Variants in TET1 observed in about 807,000 individuals in gnomAD.
TET1 encodes methylcytosine dioxygenase TET1.
TET1 carries 13 observed loss-of-function variants against 148.7 expected under a neutral mutation model. The ratio of observed to expected loss-of-function variants is 0.09; its 90% CI spans 0.06 to 0.14. The LOEUF is 0.14. TET1 is among the 10% of genes least tolerant of loss of function. The pLI is 1.00. For synonymous variants in TET1, 907 were observed against 937.2 expected, an observed-to-expected ratio of 0.97 and a Z score of 0.59; for missense variants, 2,182 against 2,553.8, an observed-to-expected ratio of 0.85 and a Z score of 3.14.
At chr10:68,609,975 A>G (rs934417797) in intron 3 of TET1, among the ~76,000 whole-genome samples, 2 of 151,486 alleles carry the variant, frequency 1.3e-5, no homozygotes, top group South Asian at 4.2e-4. Flanking sequence ...TGAGAAAACT[A>G]CATCTCTATA....
At position 68,645,119 on chromosome 10, in the gene TET1, C is replaced by T. The variant is rs1010322878; in HGVS notation, c.2390C>T (p.Thr797Ile). ...AATTCTTATAAATTCCTAAAAGACA[C>T]TGCAAACCATAAAAACGCTATGAGC... ...ENNSYKFLKD[T>I]ANHKNAMSSV... The change falls in exon 4 of 12, where the codon ACT (threonine) becomes ATT (isoleucine). Residue 797 changes from threonine (T) to isoleucine (I), a missense_variant. Around this residue, in one of 11 missense-constraint regions of TET1, gnomAD observed 226 missense variants for 307.4 expected, o/e 0.74. Transcript: ENST00000373644. 9 of 1,613,560 alleles carry T rather than the reference C, an allele frequency of 5.6e-6. No homozygotes were observed. Among genetic ancestry groups the T allele is most frequent in the Admixed American group, 1.7e-5 (1 of 59,960 alleles).
At chr10:68,608,191 G>C (rs978009401) in intron 3 of TET1, among the ~76,000 whole-genome samples, 4 of 152,144 alleles carry the variant, frequency 2.6e-5, no homozygotes, top group African/African-American at 9.7e-5. Context: ...GCCTCCCAAA[G>C]TGCTGGGATT....
chr10:68,618,436 C>A (rs925545247), intron 3 of TET1, among the ~76,000 whole-genome samples: 9 of 152,178 alleles, frequency 5.9e-5, no homozygotes, highest in African/African-American at 1.7e-4. Context: ...CTGCTCTTAT[C>A]TTCCACAGAG....
intron 6 of TET1, among the ~76,000 whole-genome samples, chr10:68,657,956 G>A (rs1337041276): frequency 1.3e-5 from 2 of 152,052 alleles, no homozygotes; most frequent in East Asian, 3.9e-4. Flanking sequence ...ATTATACGTG[G>A]GTGAGGGAGG....
At chr10:68,653,479 C>T (rs185750704) in intron 6 of TET1, among the ~76,000 whole-genome samples, 57 of 152,230 alleles carry the variant, frequency 3.7e-4, no homozygotes, top group African/African-American at 1.1e-3. Context: ...ATAAACACCA[C>T]GTTTCATTAC....
At chr10:68,603,530 G>A (rs568530718) in intron 3 of TET1, among the ~76,000 whole-genome samples, 50 of 152,058 alleles carry the variant, frequency 3.3e-4, no homozygotes, top group Non-Finnish European at 2.8e-4. Context: ...CAGAACTTTG[G>A]GAGGCCAAGG....
At chr10:68,622,531 G>A (rs775868310) in intron 3 of TET1, among the ~76,000 whole-genome samples, 1 of 151,980 alleles carries the variant, frequency 6.6e-6, no homozygotes, top group Non-Finnish European at 1.5e-5. Flanking sequence ...CTCCCAAAGT[G>A]CTGGGATTAC....
intron 7 of TET1, among the ~76,000 whole-genome samples, chr10:68,670,871 A>G (rs1265612525): frequency 6.6e-6 from 1 of 152,044 alleles, no homozygotes; most frequent in Non-Finnish European, 1.5e-5. Flanking sequence ...CTAAATTTTT[A>G]TATTATTTTC....
intron 3 of TET1, among the ~76,000 whole-genome samples, chr10:68,602,605 G>A (rs999629090): frequency 3.3e-5 from 5 of 152,172 alleles, no homozygotes; most frequent in Non-Finnish European, 7.4e-5. Context: ...GATTGTGAGT[G>A]TCCTGTCACC....
At chr10:68,640,916 G>C (rs1031336334) in intron 3 of TET1, among the ~76,000 whole-genome samples, 1 of 151,044 alleles carries the variant, frequency 6.6e-6, no homozygotes, top group South Asian at 2.1e-4. Flanking sequence ...ATATTTATAT[G>C]ATTTTTATGT....
At chr10:68,687,907 T>TGGTTTTG (rs1213130954) in intron 11 of TET1, among the ~76,000 whole-genome samples, 3 of 152,102 alleles carry the variant, frequency 2.0e-5, no homozygotes, top group Non-Finnish European at 4.4e-5. Context: ...TCGTTAGTTT[T>TGGTTTTG]GGTTTTGGGT....
At chr10:68,640,418 C>G (rs531611942) in intron 3 of TET1, among the ~76,000 whole-genome samples, 1 of 151,184 alleles carries the variant, frequency 6.6e-6, no homozygotes, top group Non-Finnish European at 1.5e-5. Context: ...CGCCTGCCAC[C>G]GTGTCCAGCT....
At chr10:68,613,938 C>G (rs1487857247) in intron 3 of TET1, among the ~76,000 whole-genome samples, 1 of 118,640 alleles carries the variant, frequency 8.4e-6, no homozygotes, top group Non-Finnish European at 1.8e-5. Context: ...GACTTCGTCT[C>G]AAAAAAAAAA....
intron 6 of TET1, among the ~76,000 whole-genome samples, chr10:68,665,320 G>C (rs1332943511): frequency 6.6e-6 from 1 of 152,018 alleles, no homozygotes; most frequent in Non-Finnish European, 1.5e-5. Flanking sequence ...ACCTCTGATA[G>C]GGTTTTGATT....
chr10:68,677,801 G>T (rs7100730), intron 8 of TET1, among the ~76,000 whole-genome samples: 1 of 150,856 alleles, frequency 6.6e-6, no homozygotes, highest in Non-Finnish European at 1.5e-5. Flanking sequence ...TGTATTTTTA[G>T]TATAGATGGG....
chr10:68,683,816 G>A (rs925871956), intron 10 of TET1, among the ~76,000 whole-genome samples: 7 of 152,168 alleles, frequency 4.6e-5, no homozygotes, highest in Non-Finnish European at 7.3e-5. Flanking sequence ...TTTTTGTGAG[G>A]CAACTGTGCC....
chr10:68,636,028 G>T (rs1018436906), intron 3 of TET1, among the ~76,000 whole-genome samples: 2 of 152,172 alleles, frequency 1.3e-5, no homozygotes, highest in African/African-American at 4.8e-5. Context: ...AGAAATGATT[G>T]AATCTGACTG....
intron 2 of TET1, among the ~76,000 whole-genome samples, chr10:68,590,258 A>G (rs2053904173): frequency 6.6e-6 from 1 of 151,878 alleles, no homozygotes; most frequent in South Asian, 2.1e-4. Flanking sequence ...GACCAGAGGC[A>G]TGTACCACCA....
intron 4 of TET1, among the ~76,000 whole-genome samples, chr10:68,651,187 G>A (rs962327021): frequency 1.3e-5 from 2 of 152,086 alleles, no homozygotes. Context: ...AGAATAAATT[G>A]TCTGCAATGA....
Sources: allele counts gnomAD v4.1 joint callset (sites outside exome capture counted in the v4.1 genomes callset), GRCh38; gene constraint gnomAD v4.1.1; regional missense constraint gnomAD v4.1.1; transcripts MANE v1.5; gene names NCBI Gene and HGNC (gene_info 2026-07-23, HGNC 2026-07-21).